MSRA: variants seen among roughly 807,000 people sequenced by gnomAD.
MSRA encodes mitochondrial peptide methionine sulfoxide reductase.
A neutral mutation model predicts 31.3 loss-of-function variants in MSRA; 54 were observed. The observed-to-expected ratio is 1.73, with a 90% confidence interval of 1.39 to 2.17. MSRA has a LOEUF of 2.17. MSRA is among the 30% of genes most tolerant of loss of function. MSRA has a pLI of 0.00. For missense variants in MSRA, 507 were observed against 300.9 expected, an observed-to-expected ratio of 1.69 and a Z score of -5.07; for synonymous variants, 169 against 116.5, an observed-to-expected ratio of 1.45 and a Z score of -2.90.
At chr8:10,142,339 GAGGAAAC>G (rs1210205185) in intron 1 of MSRA, among the ~76,000 whole-genome samples, 84 of 152,260 alleles carry the variant, frequency 5.5e-4, no homozygotes, top group African/African-American at 1.9e-3. Context: ...TTTTCCAGGA[GAGGAAAC>G]CAAGACCCAG....
intron 4 of MSRA, among the ~76,000 whole-genome samples, chr8:10,301,931 T>G (rs909843545): frequency 6.6e-6 from 1 of 152,226 alleles, no homozygotes; most frequent in Non-Finnish European, 1.5e-5. Flanking sequence ...ATTGCATTAT[T>G]CCTCCTTAAT....
chr8:10,211,379 T>C (rs11773947), intron 2 of MSRA, among the ~76,000 whole-genome samples: 43,498 of 152,102 alleles, frequency 0.29, 7,022 homozygotes, highest in East Asian at 0.46. Flanking sequence ...CCCATCATTC[T>C]TAGCTTCCTC....
At chr8:10,348,325 C>A (rs1287084149) in intron 5 of MSRA, among the ~76,000 whole-genome samples, 1 of 144,648 alleles carries the variant, frequency 6.9e-6, no homozygotes, top group Admixed American at 6.9e-5. Context: ...GGCCAAATGC[C>A]TATTTCCCAA....
intron 2 of MSRA, among the ~76,000 whole-genome samples, chr8:10,219,480 G>A (rs1253724723): frequency 2.0e-5 from 3 of 152,034 alleles, no homozygotes; most frequent in Admixed American, 1.3e-4. Context: ...ACAGTGTTGT[G>A]TATGAATAAG....
chr8:10,287,915 A>G (rs886437320), intron 3 of MSRA, among the ~76,000 whole-genome samples: 1 of 151,990 alleles, frequency 6.6e-6, no homozygotes, highest in Non-Finnish European at 1.5e-5. Flanking sequence ...TGGAGTTGCC[A>G]TTTGCTTGTT....
chr8:10,149,119 CTAACT>C (rs1259976271), intron 1 of MSRA, among the ~76,000 whole-genome samples: 2 of 97,342 alleles, frequency 2.1e-5, no homozygotes, highest in Non-Finnish European at 4.4e-5. Context: ...CCACACCTGG[CTAACT>C]TTTTTTTTTT....
intron 1 of MSRA, among the ~76,000 whole-genome samples, chr8:10,118,211 A>G (rs1800823893): frequency 6.6e-6 from 1 of 152,170 alleles, no homozygotes; most frequent in Non-Finnish European, 1.5e-5. Flanking sequence ...TAGCCTTGGC[A>G]GCTATAATCA....
chr8:10,228,826 G>T (rs1249042385), intron 2 of MSRA, among the ~76,000 whole-genome samples: 2 of 152,182 alleles, frequency 1.3e-5, no homozygotes, highest in Non-Finnish European at 2.9e-5. Context: ...AGATATCAGT[G>T]TGTGGCTCAC....
chr8:10,296,395 G>A (rs939273695), intron 3 of MSRA, among the ~76,000 whole-genome samples: 2 of 152,140 alleles, frequency 1.3e-5, no homozygotes, highest in African/African-American at 4.8e-5. Flanking sequence ...AGAGCCTTAC[G>A]CTTCCCAAAT....
chr8:10,313,881 A>G (rs976680269), intron 4 of MSRA, among the ~76,000 whole-genome samples: 2 of 152,234 alleles, frequency 1.3e-5, no homozygotes, highest in African/African-American at 4.8e-5. Flanking sequence ...AAGTATGACA[A>G]ATGACACAGT....
At chr8:10,200,976 T>C (rs989179859) in intron 1 of MSRA, among the ~76,000 whole-genome samples, 3 of 152,152 alleles carry the variant, frequency 2.0e-5, no homozygotes, top group Non-Finnish European at 4.4e-5. Context: ...GAGTGGCTAG[T>C]CTGAGGCCAG....
intron 2 of MSRA, among the ~76,000 whole-genome samples, chr8:10,217,714 A>G (rs1003328991): frequency 1.3e-5 from 2 of 152,124 alleles, no homozygotes; most frequent in Non-Finnish European, 2.9e-5. Flanking sequence ...ATCCATGAAT[A>G]TTTTGGTATA....
At chr8:10,204,564 A>G (rs760484280) in intron 1 of MSRA, among the ~76,000 whole-genome samples, 2 of 152,244 alleles carry the variant, frequency 1.3e-5, no homozygotes, top group Admixed American at 6.5e-5. Context: ...CCTAGGGGCA[A>G]TAGACTATAC....
chr8:10,313,981 G>T (rs910076922), intron 4 of MSRA, among the ~76,000 whole-genome samples: 2 of 152,136 alleles, frequency 1.3e-5, no homozygotes, highest in African/African-American at 2.4e-5. Flanking sequence ...TTGGATTTCT[G>T]CCTCACACCA....
intron 5 of MSRA, among the ~76,000 whole-genome samples, chr8:10,377,041 G>A (rs1409684774): frequency 6.6e-6 from 1 of 152,186 alleles, no homozygotes; most frequent in Non-Finnish European, 1.5e-5. Context: ...TCTGACTCAG[G>A]TTCCTCATCT....
At chr8:10,294,183 A>T (rs1800403938) in intron 3 of MSRA, among the ~76,000 whole-genome samples, 1 of 152,212 alleles carries the variant, frequency 6.6e-6, no homozygotes, top group Non-Finnish European at 1.5e-5. Flanking sequence ...CCTGGGCAAG[A>T]GAGTGAGACT....
chr8:10,080,739 A>T (rs1012266634), intron 1 of MSRA, among the ~76,000 whole-genome samples: 7 of 142,392 alleles, frequency 4.9e-5, no homozygotes, highest in African/African-American at 1.9e-4. Context: ...AGGTCTCGCT[A>T]TGTTGCCGAG....
chr8:10,150,554 G>A (rs970700203), intron 1 of MSRA, among the ~76,000 whole-genome samples: 10 of 152,072 alleles, frequency 6.6e-5, no homozygotes, highest in Admixed American at 1.3e-4. Flanking sequence ...TGACCAAAAT[G>A]CCAATTAATG....
chr8:10,301,064 C>G (rs976976646), intron 3 of MSRA, among the ~76,000 whole-genome samples: 2 of 152,184 alleles, frequency 1.3e-5, no homozygotes, highest in African/African-American at 4.8e-5. Context: ...CTCATGTGAA[C>G]GAGTGATCAG....
Sources: gnomAD v4.1 joint callset for allele counts (sites outside exome capture counted in the v4.1 genomes callset) on GRCh38, gnomAD v4.1.1 for gene constraint, MANE v1.5 for transcripts, NCBI Gene and HGNC (gene_info 2026-07-23, HGNC 2026-07-21) for gene names.